The following TGFA variants were observed in gnomAD, a reference collection of about 807,000 sequenced individuals.
TGFA encodes the protein protransforming growth factor alpha.
TGFA carries 12 observed loss-of-function variants against 21.7 expected under a neutral mutation model. The observed-to-expected ratio is 0.55, with a 90% CI of 0.35 to 0.90. TGFA has a LOEUF of 0.90. Ranked by LOEUF, TGFA falls within the 40% of genes least tolerant of loss-of-function variation. The probability of loss-of-function intolerance (pLI) is 0.01; values close to 1 mark genes in which losing one functional copy is unlikely to be tolerated. For synonymous variants in TGFA, 79 were observed against 88.1 expected (o/e 0.90, Z 0.58); for missense variants, 178 against 210.8 (o/e 0.84, Z 0.96).
intron 1 of TGFA, among the ~76,000 whole-genome samples, chr2:70,531,430 G>A (rs7590191): frequency 0.11 from 17,444 of 152,102 alleles, 1,330 homozygotes; most frequent in African/African-American, 0.21. Context: ...CAAGTACTGC[G>A]TTTAAAAAAA....
At chr2:70,461,231 C>T (rs1670396226) in intron 3 of TGFA, among the ~76,000 whole-genome samples, 1 of 152,188 alleles carries the variant, frequency 6.6e-6, no homozygotes, top group Admixed American at 6.5e-5. Context: ...TGGTGTGTGA[C>T]CCCCACTCTG....
intron 2 of TGFA, among the ~76,000 whole-genome samples, chr2:70,475,491 C>T (rs1041890423): frequency 1.3e-5 from 2 of 152,074 alleles, no homozygotes; most frequent in African/African-American, 2.4e-5. Context: ...CTTTCTAATA[C>T]AGCACACTGT....
chr2:70,551,131 A>G (rs782018091), intron 1 of TGFA, among the ~76,000 whole-genome samples: 9 of 152,222 alleles, frequency 5.9e-5, no homozygotes, highest in Non-Finnish European at 1.0e-4. Context: ...TTCTGCATAC[A>G]TTAAATATAT....
chr2:70,513,559 T>C (rs548932100), intron 2 of TGFA, among the ~76,000 whole-genome samples: 4 of 152,320 alleles, frequency 2.6e-5, no homozygotes, highest in South Asian at 4.1e-4. Flanking sequence ...TGTGTCATCA[T>C]GGACCACCAA....
Position 70,476,108 on chromosome 2 carries a change from T to TAAA in TGFA, c.95-10373_95-10372insTTT, listed in dbSNP as rs1670925497. Among the ~76,000 whole-genome samples, 3 of 83,992 alleles carry TAAA rather than the reference T, an allele frequency of 3.6e-5. 1 individual carries two copies. The highest frequency in any genetic ancestry group is 9.3e-5 in the African/African-American group (2 of 21,536). 55.1% of individuals were successfully genotyped at this position (83,992 alleles called of 152,430 possible). A position where few individuals can be genotyped will look rare whatever the true frequency, so the allele number is the denominator to read the frequency against. On this transcript the variant is annotated intron_variant, in intron 2 of 5. Transcript: ENST00000295400. Reference sequence around the variant, plus strand: ...AAAAAAAAAAAAAAAAAAAAAAAAATTAAGAAAATTACAGGTCACGATTTT... The same window carrying TAAA: ...AAAAAAAAAAAAAAAAAAAAAAAAATAAATAAGAAAATTACAGGTCACGATTTT...
At chr2:70,482,073 A>C (rs902791758) in intron 2 of TGFA, among the ~76,000 whole-genome samples, 23 of 152,096 alleles carry the variant, frequency 1.5e-4, no homozygotes, top group African/African-American at 5.6e-4. Context: ...TCTTTAAGCA[A>C]GAAAGTCTGC....
intron 1 of TGFA, among the ~76,000 whole-genome samples, chr2:70,540,946 C>T (rs781963060): frequency 6.6e-6 from 1 of 152,132 alleles, no homozygotes. Context: ...AAATGAGATA[C>T]CATTTTGCCA....
At chr2:70,456,810 G>A (rs1237594849) in intron 3 of TGFA, among the ~76,000 whole-genome samples, 1 of 152,092 alleles carries the variant, frequency 6.6e-6, no homozygotes, top group African/African-American at 2.4e-5. Flanking sequence ...CATGACATAA[G>A]CCTCATGTTG....
chr2:70,520,256 C>T (rs1310871159), intron 1 of TGFA, among the ~76,000 whole-genome samples: 1 of 152,086 alleles, frequency 6.6e-6, no homozygotes, highest in Non-Finnish European at 1.5e-5. Context: ...CGCCCAGCTG[C>T]AGGCTACTGA....
At chr2:70,528,426 G>A (rs1040604631) in intron 1 of TGFA, among the ~76,000 whole-genome samples, 4 of 150,648 alleles carry the variant, frequency 2.7e-5, no homozygotes, top group African/African-American at 4.9e-5. Context: ...CATGTCAGAC[G>A]AGAGGAGGCC....
intron 1 of TGFA, among the ~76,000 whole-genome samples, chr2:70,518,639 A>G (rs1672358736): frequency 6.6e-6 from 1 of 152,102 alleles, no homozygotes; most frequent in Non-Finnish European, 1.5e-5. Flanking sequence ...CAACTCCTCA[A>G]TCAGGCATGG....
chr2:70,455,559 A>G (rs1358558058), intron 4 of TGFA, among the ~76,000 whole-genome samples: 1 of 152,226 alleles, frequency 6.6e-6, no homozygotes, highest in Non-Finnish European at 1.5e-5. Flanking sequence ...GTGCAAAAGT[A>G]ATTGTGGTTT....
At chr2:70,465,875 G>T in intron 2 of TGFA, 139 bp from the exon 3 acceptor site, 1 of 1,251,034 alleles carries the variant, frequency 8.0e-7, no homozygotes, top group Non-Finnish European at 1.1e-6. Context: ...ACCCTCCTCA[G>T]CTCTCACTTA....
At chr2:70,450,974 TTC>T in intron 5 of TGFA, 108 bp from the exon 6 acceptor site, 2 of 1,386,608 alleles carry the variant, frequency 1.4e-6, no homozygotes, top group South Asian at 2.5e-5. Flanking sequence ...TGTCACCAAG[TTC>T]TCTCGGGCAG....
Position 70,450,823 on chromosome 2 carries a change from C to T in TGFA, c.*36G>A, listed in dbSNP as rs562056696. ...AAGAAGCCTTTCTTTATTGATCTGC[C>T]ACAGTCCACCTGGCCAAACTCCTCC... On this transcript the variant is annotated 3_prime_UTR_variant, in exon 6 of 6. Transcript: ENST00000295400. 1.9e-6 allele frequency: 3 copies of T among 1,607,324 alleles called. No homozygotes were observed. The highest frequency in any genetic ancestry group is 4.5e-5 in the East Asian group (2 of 44,836).
intron 1 of TGFA, among the ~76,000 whole-genome samples, chr2:70,529,732 C>T (rs1672759071): frequency 6.6e-6 from 1 of 152,118 alleles, no homozygotes; most frequent in African/African-American, 2.4e-5. Context: ...GCTGGGCAGC[C>T]CCTGGAAGAC....
intron 1 of TGFA, among the ~76,000 whole-genome samples, chr2:70,549,918 C>A (rs1038121046): frequency 4.6e-5 from 7 of 152,196 alleles, no homozygotes; most frequent in African/African-American, 1.7e-4. Flanking sequence ...CTTCCATATA[C>A]AGCTTTACAG....
At position 70,505,557 on chromosome 2, in the gene TGFA, C is replaced by T. The variant is rs188893105; in HGVS notation, c.94+9302G>A. Among the ~76,000 whole-genome samples, 17 of 152,196 alleles carry T rather than the reference C, an allele frequency of 1.1e-4. No individual in the cohort carries two copies. The East Asian group carries it at 3.1e-3, about 28-fold the overall frequency. On this transcript the variant is annotated intron_variant, in intron 2 of 5. Transcript: ENST00000295400. ...TTTCACTTTCAAGATCTTAAAGATA[C>T]CTTTCTGGACCTACTGTGCAAGGCA...
At chr2:70,538,101 C>A (rs566799907) in intron 1 of TGFA, among the ~76,000 whole-genome samples, 3 of 152,308 alleles carry the variant, frequency 2.0e-5, no homozygotes, top group Non-Finnish European at 2.9e-5. Context: ...AACAGCAAAG[C>A]CTGATTACAG....
Sources: gnomAD v4.1 joint callset for allele counts (sites outside exome capture counted in the v4.1 genomes callset) on GRCh38, gnomAD v4.1.1 for gene constraint, MANE v1.5 for transcripts, NCBI Gene and HGNC (gene_info 2026-07-23, HGNC 2026-07-21) for gene names.